Variants in CDK5RAP2 observed in about 807,000 individuals in gnomAD.
CDK5RAP2 encodes CDK5 regulatory subunit-associated protein 2.
A neutral mutation model predicts 232.9 loss-of-function variants in CDK5RAP2; 147 were observed. The ratio of observed to expected loss-of-function variants is 0.63; its 90% CI spans 0.55 to 0.72. CDK5RAP2 has a LOEUF of 0.72. Among genes scored for constraint, CDK5RAP2 ranks in the 30% least tolerant of loss-of-function variants. The pLI, the probability that CDK5RAP2 is intolerant of heterozygous loss-of-function variation, is 0.00. For synonymous variants in CDK5RAP2, 833 were observed against 833.7 expected (o/e 1.00, Z 0.01); for missense variants, 2,195 against 2,231.5 (o/e 0.98, Z 0.33).
intron 20 of CDK5RAP2, among the ~76,000 whole-genome samples, chr9:120,457,456 G>C (rs559295272): frequency 6.6e-6 from 1 of 152,106 alleles, no homozygotes; most frequent in African/African-American, 2.4e-5. Flanking sequence ...CAACTACTAC[G>C]GTCACCTAAC....
chr9:120,470,240 A>C lies in CDK5RAP2; in HGVS notation c.1859-20T>G. On this transcript the variant is annotated intron_variant, in intron 16 of 37. Coordinates refer to ENST00000349780, the MANE Select transcript of CDK5RAP2 (RefSeq NM_018249.6). ...ATTCTTCTGCCCAAAAAAGAAAAAA[A>C]AAAGGTGGGGAGGGGGAGGAGAAAA... 8.0e-7 allele frequency: 1 copy of C among 1,257,694 alleles called. No homozygotes were observed. The highest frequency in any genetic ancestry group is 1.1e-6 in the Non-Finnish European group (1 of 884,190). 77.9% of individuals were successfully genotyped at this position (1,257,694 alleles called of 1,614,324 possible).
At chr9:120,399,845 T>G (rs1210394042) in intron 35 of CDK5RAP2, among the ~76,000 whole-genome samples, 5 of 152,132 alleles carry the variant, frequency 3.3e-5, no homozygotes, top group Non-Finnish European at 7.4e-5. Flanking sequence ...GTCCCCAGGA[T>G]CCCAAAAGTG....
intron 36 of CDK5RAP2, among the ~76,000 whole-genome samples, chr9:120,392,788 T>C (rs919302106): frequency 5.3e-5 from 8 of 152,118 alleles, no homozygotes; most frequent in Non-Finnish European, 1.0e-4. Flanking sequence ...TTGACCTCCT[T>C]ACAATCTTTC....
chr9:120,461,276 T>C (rs1407295126), intron 18 of CDK5RAP2, among the ~76,000 whole-genome samples: 1 of 152,260 alleles, frequency 6.6e-6, no homozygotes, highest in East Asian at 1.9e-4. Context: ...GATAACTTTA[T>C]GCTTTTGGAA....
At chr9:120,531,021 A>G (rs1257568598) in intron 7 of CDK5RAP2, among the ~76,000 whole-genome samples, 1 of 152,082 alleles carries the variant, frequency 6.6e-6, no homozygotes, top group Non-Finnish European at 1.5e-5. Flanking sequence ...AAAAAAGGAA[A>G]AAATAAAAAA....
intron 10 of CDK5RAP2, 117 bp downstream of exon 10, chr9:120,527,689 T>C: frequency 8.5e-7 from 1 of 1,171,982 alleles, no homozygotes; most frequent in Non-Finnish European, 1.2e-6. Context: ...TTCCCCACTT[T>C]CTATACTACC....
intron 32 of CDK5RAP2, among the ~76,000 whole-genome samples, chr9:120,405,696 T>G (rs1289231415): frequency 1.3e-5 from 2 of 152,258 alleles, no homozygotes; most frequent in South Asian, 4.1e-4. Context: ...GTTCCCCTTG[T>G]AGGGTTTTCT....
intron 7 of CDK5RAP2, 83 bp downstream of exon 7, chr9:120,536,289 T>TA (rs1412161730): frequency 2.0e-6 from 3 of 1,466,874 alleles, no homozygotes; most frequent in Non-Finnish European, 2.9e-6. Flanking sequence ...AAGGGAGGGA[T>TA]AAAAGAGAAT....
At chr9:120,424,292 G>A (rs2131390037) in intron 25 of CDK5RAP2, among the ~76,000 whole-genome samples, 2 of 152,190 alleles carry the variant, frequency 1.3e-5, no homozygotes, top group Admixed American at 6.5e-5. Context: ...GTTACATCCT[G>A]GCCAAAAATG....
rs781733748 is a variant in CDK5RAP2 at position 120,536,407 on chromosome 9, G to C, written c.627C>G (p.Asp209Glu). ...CATCCAGGACCAGAGCCATCGCCAA[G>C]TCCCCCTCGTGCATCTTCTTCATCT... ...LSEMKKMHEGDLAMALVLDEK... is the reference protein window; with the variant it reads ...LSEMKKMHEGELAMALVLDEK... The change falls in exon 7 of 38, where the codon GAC becomes GAG. Residue 209 changes from aspartate (D) to glutamate (E), a missense_variant. Physicochemically the swap from Asp to Glu is conservative, Grantham distance 45. Coordinates refer to ENST00000349780, the MANE Select transcript of CDK5RAP2 (RefSeq NM_018249.6). 3.7e-6 allele frequency: 6 copies of C among 1,614,122 alleles called. No homozygotes were observed. In the South Asian group the frequency reaches 6.6e-5, roughly 18 times the overall value.
Position 120,419,829 on chromosome 9 carries a change from T to G in CDK5RAP2, c.4136A>C (p.Glu1379Ala). 1.2e-6 allele frequency: 2 copies of G among 1,614,064 alleles called. No homozygotes were observed. Among genetic ancestry groups the G allele is most frequent in the Non-Finnish European group, 1.7e-6 (2 of 1,179,886 alleles). Residue 1379 changes from glutamate to alanine, a missense_variant, in exon 27 of 38, where the codon GAG (glutamate) becomes GCG (alanine). Transcript: ENST00000349780. ...CACCATAACTGAAGTCTTCTCTGTC[T>G]CATTATCTTGCTTCTGGTCTCGTGA... ...FFSRDQKQDN[E>A]TEKTSVMVNS... is the part of the protein sequence containing the mutation.
At chr9:120,422,605 G>T in intron 26 of CDK5RAP2, 88 bp downstream of exon 26, 1 of 994,152 alleles carries the variant, frequency 1.0e-6, no homozygotes, top group Non-Finnish European at 1.6e-6. Context: ...AAACAGAATG[G>T]GAAGGAGCCA....
intron 21 of CDK5RAP2, among the ~76,000 whole-genome samples, chr9:120,449,363 C>A (rs2036365575): frequency 6.6e-6 from 1 of 152,206 alleles, no homozygotes. Context: ...CTACATATCC[C>A]CTCAGAGAAC....
At chr9:120,412,327 ACACT>A (rs2033900241) in intron 28 of CDK5RAP2, among the ~76,000 whole-genome samples, 1 of 152,126 alleles carries the variant, frequency 6.6e-6, no homozygotes, top group Non-Finnish European at 1.5e-5. Flanking sequence ...CCTGTCCTCC[ACACT>A]CACTGAGTCC....
intron 13 of CDK5RAP2, among the ~76,000 whole-genome samples, chr9:120,490,981 T>G (rs1052613356): frequency 6.6e-6 from 1 of 152,178 alleles, no homozygotes; most frequent in African/African-American, 2.4e-5. Flanking sequence ...AAGAGCATGG[T>G]ATAAATAAGT....
chr9:120,517,697 T>A (rs533763945), intron 12 of CDK5RAP2: 1 of 155,142 alleles, frequency 6.4e-6, no homozygotes, highest in Non-Finnish European at 1.4e-5. Flanking sequence ...GCAGAACAAT[T>A]TGAATATATC....
intron 3 of CDK5RAP2, among the ~76,000 whole-genome samples, chr9:120,566,475 C>G (rs1240227172): frequency 1.1e-4 from 17 of 152,168 alleles, no homozygotes; most frequent in Admixed American, 1.1e-3. Flanking sequence ...GGATTTAGGT[C>G]ATCAAGAACA....
At chr9:120,572,391 C>T (rs1459595239) in intron 1 of CDK5RAP2, among the ~76,000 whole-genome samples, 3 of 152,170 alleles carry the variant, frequency 2.0e-5, no homozygotes, top group African/African-American at 4.8e-5. Context: ...CATGCCCTCC[C>T]TGTAAAAATT....
intron 28 of CDK5RAP2, among the ~76,000 whole-genome samples, chr9:120,412,329 A>G (rs2033900446): frequency 1.3e-5 from 2 of 152,088 alleles, no homozygotes; most frequent in Non-Finnish European, 2.9e-5. Flanking sequence ...TGTCCTCCAC[A>G]CTCACTGAGT....
Sources: gnomAD v4.1 joint callset for allele counts (sites outside exome capture counted in the v4.1 genomes callset) on GRCh38, gnomAD v4.1.1 for gene constraint, MANE v1.5 for transcripts, NCBI Gene and HGNC (gene_info 2026-07-23, HGNC 2026-07-21) for gene names.